Variants in ANKRD46 observed in about 807,000 individuals in gnomAD.
The protein encoded by ANKRD46 is ankyrin repeat domain-containing protein 46.
A neutral mutation model predicts 19.8 loss-of-function variants in ANKRD46; 13 were observed. The ratio of observed to expected loss-of-function variants is 0.66; its 90% CI spans 0.43 to 1.04. ANKRD46 has a LOEUF of 1.04. Ranked by LOEUF, ANKRD46 falls within the 50% of genes least tolerant of loss-of-function variation. The pLI, the probability that ANKRD46 is intolerant of heterozygous loss-of-function variation, is 0.00. For missense variants in ANKRD46, 185 were observed against 274.8 expected, an observed-to-expected ratio of 0.67 and a Z score of 2.31; for synonymous variants, 91 against 106.9, an observed-to-expected ratio of 0.85 and a Z score of 0.92.
chr8:100,525,001 A>C lies in ANKRD46; in HGVS notation c.471-2230T>G, dbSNP rs1023583398. On this transcript the variant is annotated intron_variant, in intron 4 of 4. Coordinates refer to ENST00000335659, the MANE Select transcript of ANKRD46 (RefSeq NM_001270377.2). This position sits in a 1 kb window ranked among gnomAD's most constrained non-coding sequence, Gnocchi z 4.4. ...ACTGTTTTTGTTATCCCATACCTAC[A>C]AAGTAAAAAGGAATTAAACTTAGAG... 3.1e-5 allele frequency among the ~76,000 whole-genome samples: 4 copies of C among 128,194 alleles called. No homozygotes were observed. The highest frequency in any genetic ancestry group is 7.2e-5 in the Non-Finnish European group (4 of 55,914). The allele number at this position is 128,194 out of a possible 152,430, so 84.1% of individuals were successfully genotyped here. A position where few individuals can be genotyped will look rare whatever the true frequency, so the allele number is the denominator to read the frequency against.
rs748882516 is a variant in ANKRD46 at position 100,529,636 on chromosome 8, T to G, written c.198A>C (p.Lys66Asn). The G allele has an allele frequency of 6.2e-7, 1 of 1,614,272 alleles. No individual in the cohort carries two copies. Among genetic ancestry groups the G allele is most frequent in the East Asian group, 2.2e-5 (1 of 44,888 alleles). Residue 66 changes from lysine to asparagine, a missense_variant, in exon 3 of 5, where the codon AAA becomes AAC. Transcript: ENST00000335659. The surrounding 1 kb of genome is among the most constrained non-coding windows in gnomAD (Gnocchi z 5.8). ...CTGTGGCCAGAAGATCGGCACCGAA[T>G]TTATGCAGTAACTGGCAGATGTCTA... is the stretch of plus-strand genomic sequence containing the variant. ...GNVDICQLLH[K>N]FGADLLATDY...
chr8:100,530,287 C>T (rs932839768), intron 2 of ANKRD46, among the ~76,000 whole-genome samples: 7 of 152,168 alleles, frequency 4.6e-5, no homozygotes, highest in African/African-American at 1.7e-4. Context: ...GATATATTTG[C>T]TTCTTCTTGT....
intron 1 of ANKRD46, among the ~76,000 whole-genome samples, chr8:100,535,730 A>T (rs1339894736): frequency 6.6e-6 from 1 of 152,162 alleles, no homozygotes; most frequent in Non-Finnish European, 1.5e-5. Context: ...AGCTGTGTGT[A>T]TCCATAGTTT....
Position 100,524,716 on chromosome 8 carries a change from C to T in ANKRD46, c.471-1945G>A, listed in dbSNP as rs940777896. Among the ~76,000 whole-genome samples, 6 of 152,056 alleles carry T rather than the reference C, an allele frequency of 3.9e-5. No homozygotes were observed. Among genetic ancestry groups the T allele is most frequent in the South Asian group, 2.1e-4 (1 of 4,826 alleles). ...TGACCTATGTAAAATTTATTGATTA[C>T]GAGTTGACATGCCCTTATACATGTT... On this transcript the variant is annotated intron_variant, in intron 4 of 4. Coordinates refer to ENST00000335659, the MANE Select transcript of ANKRD46 (RefSeq NM_001270377.2). The surrounding 1 kb of genome is among the most constrained non-coding windows in gnomAD (Gnocchi z 4.3).
At chr8:100,517,470 A>G (rs1175412179), downstream of ANKRD46, among the ~76,000 whole-genome samples, 1 of 152,234 alleles carries the variant, frequency 6.6e-6, no homozygotes, top group African/African-American at 2.4e-5. Context: ...TTATCAGCTA[A>G]GCTTTTAATG....
chr8:100,519,003 G>A (rs1045393204), downstream of ANKRD46, among the ~76,000 whole-genome samples: 1 of 152,124 alleles, frequency 6.6e-6, no homozygotes, highest in Non-Finnish European at 1.5e-5. Flanking sequence ...AGAATCATGT[G>A]GGATTTAGAA....
At chr8:100,513,348 C>T (rs974353719) in intron 5 of ANKRD46, among the ~76,000 whole-genome samples, 6 of 152,162 alleles carry the variant, frequency 3.9e-5, no homozygotes, top group African/African-American at 7.2e-5. Context: ...CTTCTTAAGC[C>T]TCACTTTCTT....
Position 100,534,554 on chromosome 8 carries a change from G to A in ANKRD46, c.-130-1243C>T, listed in dbSNP as rs1430809341. Among the ~76,000 whole-genome samples, 3 of 152,220 alleles carry A rather than the reference G, an allele frequency of 2.0e-5. No homozygotes were observed. Among genetic ancestry groups the A allele is most frequent in the East Asian group, 3.9e-4 (2 of 5,188 alleles). On this transcript the variant is annotated intron_variant, in intron 1 of 4. Transcript: ENST00000335659. The surrounding 1 kb of genome is among the most constrained non-coding windows in gnomAD (Gnocchi z 4.2). ...TGACCTCTAGAGCTGAGTCTTTAAC[G>A]ACTAGAGCCTGTCTCTAATGTATGA... is the stretch of plus-strand genomic sequence containing the variant.
chr8:100,514,750 G>A (rs1811601921), intron 5 of ANKRD46, among the ~76,000 whole-genome samples: 1 of 148,762 alleles, frequency 6.7e-6, no homozygotes, highest in Admixed American at 6.9e-5. Flanking sequence ...AGTGATTCTT[G>A]TGTCTCAGCC....
At chr8:100,553,007 A>G (rs1812424953) in intron 1 of ANKRD46, among the ~76,000 whole-genome samples, 1 of 152,348 alleles carries the variant, frequency 6.6e-6, no homozygotes, top group African/African-American at 2.4e-5. Flanking sequence ...GCAAAAGACA[A>G]AGGTCAAAGG....
rs1306669349 is a variant in ANKRD46, at chr8:100,525,348, A to C, written c.470+2497T>G. On this transcript the variant is annotated intron_variant, in intron 4 of 4. Transcript: ENST00000335659. This position sits in a 1 kb window ranked among gnomAD's most constrained non-coding sequence, Gnocchi z 4.4. ...CCCAAATTGTACAACCATCTCTTCT[A>C]ATTCCAGTACACTTTCAGCACCTCT... 1.3e-5 allele frequency among the ~76,000 whole-genome samples: 2 copies of C among 152,168 alleles called. No homozygotes were observed. The highest frequency in any genetic ancestry group is 2.9e-5 in the Non-Finnish European group (2 of 68,036).
rs1193902973 is a variant in ANKRD46, at chr8:100,533,281, C to T, written c.-100G>A. 1 of 152,090 alleles carries T rather than the reference C, an allele frequency of 6.6e-6. No individual in the cohort carries two copies. Among genetic ancestry groups the T allele is most frequent in the African/African-American group, 2.4e-5 (1 of 41,422 alleles). The allele number at this position is 152,090 out of a possible 1,614,324, so 9.4% of individuals were successfully genotyped here. A position where few individuals can be genotyped will look rare whatever the true frequency, so the allele number is the denominator to read the frequency against. On this transcript the variant is annotated 5_prime_UTR_variant, in exon 2 of 5. Coordinates refer to ENST00000335659, the MANE Select transcript of ANKRD46 (RefSeq NM_001270377.2). ...TCTCTGAATTCTCAAGAAGGTTCAA[C>T]AAAAATATTCTGTAATGTGCTGGCA...
At chr8:100,517,502 C>T (rs115341990), downstream of ANKRD46, among the ~76,000 whole-genome samples, 2,476 of 152,296 alleles carry the variant, frequency 0.016, 76 homozygotes, top group African/African-American at 0.056. Context: ...GCAAGGAACT[C>T]CAGATTGTAG....
At chr8:100,515,805 A>AC (rs1262271525), downstream of ANKRD46, among the ~76,000 whole-genome samples, 2 of 151,352 alleles carry the variant, frequency 1.3e-5, no homozygotes, top group African/African-American at 4.9e-5. Flanking sequence ...GGTCTCCCCA[A>AC]CCCTCTCCAC....
chr8:100,524,570 C>T lies in ANKRD46; in HGVS notation c.471-1799G>A, dbSNP rs1234317709. 2.0e-5 allele frequency among the ~76,000 whole-genome samples: 3 copies of T among 151,554 alleles called. No individual in the cohort carries two copies. The highest frequency in any genetic ancestry group is 4.4e-5 in the Non-Finnish European group (3 of 67,924). On this transcript the variant is annotated intron_variant, in intron 4 of 4. Transcript: ENST00000335659. The surrounding 1 kb of genome is among the most constrained non-coding windows in gnomAD (Gnocchi z 4.3). ...AAGAGATGATGTTTTCAGTGGGAAT[C>T]TACAACACCACAGTAATTTTGGAAC...
chr8:100,540,427 G>GT lies in ANKRD46; in HGVS notation c.-130-7117dup, dbSNP rs368029874. 1.5e-3 allele frequency among the ~76,000 whole-genome samples: 224 copies of GT among 152,242 alleles called. 1 individual carries two copies. The highest frequency in any genetic ancestry group is 6.8e-3 in the Middle Eastern group (2 of 294). On this transcript the variant is annotated intron_variant, in intron 1 of 4. Transcript: ENST00000335659. ...CTAGCACACATAAGCCAAATTAACTGTTTTTAATCATCTCATAAAAATAAG... is the reference window on the plus strand; with the variant it reads ...CTAGCACACATAAGCCAAATTAACTGTTTTTTAATCATCTCATAAAAATAAG...
In ANKRD46 at chr8:100,542,441, T is replaced by C. The variant is rs114654254; in HGVS notation, c.-130-9130A>G. ...GAGAAACGGCAGAATGACTCATATG[T>C]GGGGTATTAGATGTATTTCTTCTCT... On this transcript the variant is annotated intron_variant, in intron 1 of 4. Coordinates refer to ENST00000335659, the MANE Select transcript of ANKRD46 (RefSeq NM_001270377.2). 2.3e-3 allele frequency among the ~76,000 whole-genome samples: 355 copies of C among 152,136 alleles called. 1 individual carries two copies. The highest frequency in any genetic ancestry group is 8.3e-3 in the African/African-American group (345 of 41,506).
At chr8:100,539,044 T>C (rs1289449409) in intron 1 of ANKRD46, among the ~76,000 whole-genome samples, 1 of 152,248 alleles carries the variant, frequency 6.6e-6, no homozygotes, top group Non-Finnish European at 1.5e-5. Flanking sequence ...AGCTGTCTAA[T>C]GTATGGCTGT....
In ANKRD46 at chr8:100,545,783, T is replaced by C. The variant is rs534290664; in HGVS notation, c.-130-12472A>G. ...TTTGACCAAAATGCTGATAGTGATA[T>C]GGACAATGAAATCAAGGCTGAGGTG... On this transcript the variant is annotated intron_variant, in intron 1 of 4. Coordinates refer to ENST00000335659, the MANE Select transcript of ANKRD46 (RefSeq NM_001270377.2). This position sits in a 1 kb window ranked among gnomAD's most constrained non-coding sequence, Gnocchi z 4.7. 6.8e-4 allele frequency among the ~76,000 whole-genome samples: 103 copies of C among 152,300 alleles called. No individual in the cohort carries two copies. In the Middle Eastern group the frequency reaches 0.017, roughly 25 times the overall value.
Sources: allele counts gnomAD v4.1 joint callset (sites outside exome capture counted in the v4.1 genomes callset), GRCh38; gene constraint gnomAD v4.1.1; non-coding constraint Gnocchi (gnomAD v3.1); transcripts MANE v1.5; gene names NCBI Gene and HGNC (gene_info 2026-07-23, HGNC 2026-07-21).